CDC14A: variants seen among roughly 807,000 people sequenced by gnomAD.
The protein encoded by CDC14A is dual specificity protein phosphatase CDC14A.
In CDC14A, 53 loss-of-function variants were observed where a neutral mutation model predicts 74.4. The observed-to-expected ratio is 0.71, with a 90% confidence interval of 0.57 to 0.89. The LOEUF (loss-of-function observed/expected upper bound fraction) is 0.89, where lower values mean the gene tolerates loss of function less well. Among genes scored for constraint, CDC14A ranks in the 40% least tolerant of loss-of-function variants. The probability of loss-of-function intolerance (pLI) is 0.00; values close to 1 mark genes in which losing one functional copy is unlikely to be tolerated. For synonymous variants in CDC14A, 247 were observed against 258.4 expected (o/e 0.96, Z 0.43); for missense variants, 646 against 713.7 (o/e 0.91, Z 1.08).
At position 100,456,428 on chromosome 1, in the gene CDC14A, T is replaced by TCC. The variant is rs758438288; in HGVS notation, c.607+944_607+945dup. Among the ~76,000 whole-genome samples, 358 of 127,372 alleles carry TCC rather than the reference T, an allele frequency of 2.8e-3. 1 individual carries two copies. The highest frequency in any genetic ancestry group is 0.013 in the African/African-American group (348 of 26,572). 83.6% of individuals were successfully genotyped at this position (127,372 alleles called of 152,430 possible). On this transcript the variant is annotated intron_variant, in intron 8 of 15. Transcript: ENST00000336454. ...TGAAAAAATATCCATGAACAAAATA[T>TCC]CCCCCCCCCTTTTTTTTTCTATCTG...
intron 4 of CDC14A, chr1:100,393,093 G>C: frequency 6.9e-7 from 1 of 1,441,830 alleles, no homozygotes; most frequent in Non-Finnish European, 9.7e-7. Context: ...TAATTTGATA[G>C]ATTTCATTTT....
At chr1:100,479,577 G>T (rs1669252961) in intron 10 of CDC14A, among the ~76,000 whole-genome samples, 1 of 152,034 alleles carries the variant, frequency 6.6e-6, no homozygotes, top group African/African-American at 2.4e-5. Flanking sequence ...TATTTTAAGG[G>T]TTTAAAATTT....
At chr1:100,512,646 T>C (rs1363133794) in intron 15 of CDC14A, among the ~76,000 whole-genome samples, 2 of 152,170 alleles carry the variant, frequency 1.3e-5, no homozygotes, top group African/African-American at 2.4e-5. Context: ...GAAAAGCATA[T>C]ATTAAATTTC....
At chr1:100,469,091 A>C (rs946893818) in intron 10 of CDC14A, among the ~76,000 whole-genome samples, 2 of 152,096 alleles carry the variant, frequency 1.3e-5, no homozygotes, top group African/African-American at 2.4e-5. Flanking sequence ...ATTCTTTTCC[A>C]TATAATTATT....
At position 100,498,233 on chromosome 1, in the gene CDC14A, G is replaced by A. The variant is rs776087438; in HGVS notation, c.1421+26G>A. The A allele has an allele frequency of 1.9e-6, 3 of 1,608,922 alleles. No homozygotes were observed. In the African/African-American group the frequency reaches 4.0e-5, roughly 22 times the overall value. On this transcript the variant is annotated intron_variant, in intron 14 of 15. Transcript: ENST00000336454. ...GTAATTTTTCTCTCCCTCTTCTAAG[G>A]TGCTGGTTTGAGGTAAAGGAAGCTT...
chr1:100,391,154 G>T (rs1245536688), intron 4 of CDC14A: 2 of 324,218 alleles, frequency 6.2e-6, no homozygotes, highest in East Asian at 7.6e-5. Context: ...ATGTTTAAAT[G>T]CATGAAATAT....
chr1:100,372,865 G>A (rs1292354626), intron 2 of CDC14A, among the ~76,000 whole-genome samples: 3 of 152,190 alleles, frequency 2.0e-5, no homozygotes, highest in African/African-American at 7.2e-5. Context: ...TAGAATTGAA[G>A]AGAATTAGGG....
intron 10 of CDC14A, among the ~76,000 whole-genome samples, chr1:100,469,035 C>T (rs895342271): frequency 3.3e-5 from 5 of 152,062 alleles, no homozygotes; most frequent in Admixed American, 1.3e-4. Context: ...GCAGGGATTA[C>T]GGGTGTGAGC....
rs200457113 is a variant in CDC14A, at chr1:100,462,644, C to T, written c.608-7C>T. The stretch of plus-strand genomic sequence containing the variant: ...GCCTTTTGCTTACTGCTCCTTTGTT[C>T]CTTTAGGTTATCCTCTTCACGCCCC... On this transcript the variant is annotated splice_region_variant and splice_polypyrimidine_tract_variant and intron_variant, in intron 8 of 15. Coordinates refer to ENST00000336454, the MANE Select transcript of CDC14A (RefSeq NM_003672.4). 2 of 1,608,870 alleles carry T rather than the reference C, an allele frequency of 1.2e-6. No homozygotes were observed. Among genetic ancestry groups the T allele is most frequent in the Admixed American group, 3.3e-5 (2 of 59,982 alleles).
intron 11 of CDC14A, among the ~76,000 whole-genome samples, chr1:100,493,261 C>T (rs1438875775): frequency 6.6e-6 from 1 of 152,156 alleles, no homozygotes; most frequent in African/African-American, 2.4e-5. Context: ...CTGTCAGGTC[C>T]TCCTAGAAGC....
At chr1:100,438,948 G>A (rs918187465) in intron 5 of CDC14A, among the ~76,000 whole-genome samples, 1 of 152,142 alleles carries the variant, frequency 6.6e-6, no homozygotes, top group Non-Finnish European at 1.5e-5. Flanking sequence ...CTGTTTCTTG[G>A]GTCAGCAGTG....
chr1:100,423,952 T>C, intron 4 of CDC14A: 1 of 371,296 alleles, frequency 2.7e-6, no homozygotes, highest in East Asian at 5.2e-5. Flanking sequence ...TCGCTGCCAT[T>C]GTGTCTGTTC....
intron 3 of CDC14A, among the ~76,000 whole-genome samples, chr1:100,388,783 C>T (rs995804320): frequency 6.6e-6 from 1 of 152,134 alleles, no homozygotes; most frequent in Non-Finnish European, 1.5e-5. Context: ...ATTCCCAGCC[C>T]TAAGTGATTC....
At chr1:100,458,300 C>T (rs992521427) in intron 8 of CDC14A, among the ~76,000 whole-genome samples, 7 of 152,098 alleles carry the variant, frequency 4.6e-5, no homozygotes, top group African/African-American at 1.7e-4. Context: ...GATGTACATG[C>T]TCACTCTAGA....
intron 13 of CDC14A, 21 bp downstream of exon 13, chr1:100,496,070 TG>T: frequency 6.2e-7 from 1 of 1,601,648 alleles, no homozygotes; most frequent in South Asian, 1.1e-5. Flanking sequence ...TGAGGTTGAA[TG>T]TCTAGTAGCT....
At chr1:100,476,567 G>C (rs1668926626) in intron 10 of CDC14A, among the ~76,000 whole-genome samples, 1 of 151,716 alleles carries the variant, frequency 6.6e-6, no homozygotes, top group South Asian at 2.1e-4. Context: ...TAGGTCTCAA[G>C]GTTCCAACCA....
chr1:100,347,186 T>C (rs185873164), intron 1 of CDC14A, among the ~76,000 whole-genome samples: 11 of 152,368 alleles, frequency 7.2e-5, no homozygotes, highest in Admixed American at 3.3e-4. Context: ...AAAAGGTTGT[T>C]GATACTACAG....
chr1:100,463,405 C>A (rs1557787120), intron 9 of CDC14A, among the ~76,000 whole-genome samples: 1 of 152,146 alleles, frequency 6.6e-6, no homozygotes, highest in Non-Finnish European at 1.5e-5. Context: ...TAGGGGCAAT[C>A]CGCTAGCTTA....
At chr1:100,457,551 T>C (rs1666833812) in intron 8 of CDC14A, among the ~76,000 whole-genome samples, 1 of 152,174 alleles carries the variant, frequency 6.6e-6, no homozygotes, top group East Asian at 1.9e-4. Flanking sequence ...CTTGAACTCC[T>C]GTCCTCAAAT....
Sources: gnomAD v4.1 joint callset for allele counts (sites outside exome capture counted in the v4.1 genomes callset) on GRCh38, gnomAD v4.1.1 for gene constraint, MANE v1.5 for transcripts, NCBI Gene and HGNC (gene_info 2026-07-23, HGNC 2026-07-21) for gene names.